USP34: variants seen among roughly 807,000 people sequenced by gnomAD.
USP34 encodes the protein ubiquitin carboxyl-terminal hydrolase 34.
In USP34, 70 loss-of-function variants were observed where a neutral mutation model predicts 460.3. The observed-to-expected ratio is 0.15, with a 90% CI of 0.13 to 0.19. The LOEUF (loss-of-function observed/expected upper bound fraction) is 0.19. Among genes scored for constraint, USP34 ranks in the 10% least tolerant of loss-of-function variants. USP34 has a pLI of 1.00. For missense variants in USP34, 3,985 were observed against 4,236.2 expected (o/e 0.94, Z 1.65); for synonymous variants, 1,647 against 1,405.3 (o/e 1.17, Z -3.85).
At chr2:61,359,012 T>G (rs941570114) in intron 10 of USP34, among the ~76,000 whole-genome samples, 1 of 152,174 alleles carries the variant, frequency 6.6e-6, no homozygotes, top group African/African-American at 2.4e-5. Context: ...AGACTTATTT[T>G]GTTAAGATAT....
intron 1 of USP34, among the ~76,000 whole-genome samples, chr2:61,462,243 G>T (rs1695622427): frequency 7.2e-6 from 1 of 138,988 alleles, no homozygotes; most frequent in East Asian, 2.1e-4. Context: ...CCATCTCAGG[G>T]GGAAAAAAAA....
At position 61,333,213 on chromosome 2, in the gene USP34, G is replaced by T. The variant is rs560224308; in HGVS notation, c.2834+669C>A. 9.7e-4 allele frequency among the ~76,000 whole-genome samples: 147 copies of T among 152,024 alleles called. 1 individual carries two copies. The highest frequency in any genetic ancestry group is 1.8e-3 in the Non-Finnish European group (123 of 67,914). Reference sequence around the variant, plus strand: ...AAGTTCTACCTCTGGAAGAATTATTGTAACATTCATTAATCATAAGTTCTC... The same window carrying T: ...AAGTTCTACCTCTGGAAGAATTATTTTAACATTCATTAATCATAAGTTCTC... On this transcript the variant is annotated intron_variant, in intron 19 of 79. Transcript: ENST00000398571.
chr2:61,372,004 A>G (rs930327979), intron 8 of USP34, among the ~76,000 whole-genome samples: 8 of 152,270 alleles, frequency 5.3e-5, no homozygotes, highest in South Asian at 2.1e-4. Context: ...CTCATGATGC[A>G]TTTCTCAGAA....
At chr2:61,385,489 G>A (rs566530890) in intron 5 of USP34, among the ~76,000 whole-genome samples, 42 of 151,768 alleles carry the variant, frequency 2.8e-4, no homozygotes, top group African/African-American at 9.2e-4. Flanking sequence ...GGCTAACATG[G>A]TGAAACCCCA....
intron 7 of USP34, among the ~76,000 whole-genome samples, chr2:61,378,926 A>AAC (rs1553379444): frequency 1.3e-5 from 2 of 148,962 alleles, no homozygotes; most frequent in African/African-American, 4.9e-5. Flanking sequence ...AAAAAAAAAA[A>AAC]AAAAAAAAAA....
At chr2:61,350,151 CCA>C in intron 12 of USP34, 107 bp downstream of exon 12, 2 of 1,238,752 alleles carry the variant, frequency 1.6e-6, no homozygotes, top group South Asian at 1.6e-5. Context: ...TCTACCCATC[CCA>C]CACTTATTTT....
intron 48 of USP34, among the ~76,000 whole-genome samples, chr2:61,255,780 T>C (rs932256823): frequency 6.6e-6 from 1 of 152,230 alleles, no homozygotes; most frequent in Admixed American, 6.5e-5. Flanking sequence ...TTATCTGTGT[T>C]GCAGACACTA....
intron 27 of USP34, among the ~76,000 whole-genome samples, chr2:61,305,730 A>T (rs1005007280): frequency 1.1e-4 from 17 of 152,212 alleles, no homozygotes; most frequent in African/African-American, 1.4e-4. Flanking sequence ...AGGCAGACTC[A>T]TAATCAAAAT....
chr2:61,406,994 G>A (rs1486980079), intron 2 of USP34, among the ~76,000 whole-genome samples: 2 of 151,978 alleles, frequency 1.3e-5, no homozygotes, highest in African/African-American at 2.4e-5. Context: ...TGGGCAACAA[G>A]ACCAAAACGC....
intron 5 of USP34, among the ~76,000 whole-genome samples, chr2:61,393,991 C>T (rs1693437146): frequency 6.6e-6 from 1 of 151,934 alleles, no homozygotes; most frequent in South Asian, 2.1e-4. Flanking sequence ...CATGGTGGTT[C>T]GTGCCTGTAG....
chr2:61,313,612 TTTTA>T (rs1356069626), intron 25 of USP34, among the ~76,000 whole-genome samples: 1 of 152,164 alleles, frequency 6.6e-6, no homozygotes, highest in Non-Finnish European at 1.5e-5. Context: ...CTTTTTAAAA[TTTTA>T]TTTTTTTAAG....
intron 23 of USP34, 46 bp downstream of exon 23, chr2:61,317,608 A>G: frequency 6.7e-7 from 1 of 1,494,598 alleles, no homozygotes; most frequent in Non-Finnish European, 9.3e-7. Context: ...TTGATAATCT[A>G]ATTTGAGGAA....
intron 30 of USP34, 47 bp downstream of exon 30, chr2:61,296,753 A>C: frequency 6.3e-7 from 1 of 1,577,744 alleles, no homozygotes; most frequent in Non-Finnish European, 8.6e-7. Flanking sequence ...ATAGGAATGT[A>C]AACTGGTAAC....
chr2:61,211,693 T>C (rs1379017910), intron 69 of USP34, 79 bp downstream of exon 69: 2 of 1,381,446 alleles, frequency 1.4e-6, no homozygotes, highest in Non-Finnish European at 1.9e-6. Context: ...CCAATGTAAA[T>C]GATTTATCTT....
At chr2:61,429,238 G>A (rs1415009529) in intron 1 of USP34, among the ~76,000 whole-genome samples, 1 of 152,016 alleles carries the variant, frequency 6.6e-6, no homozygotes, top group Non-Finnish European at 1.5e-5. Flanking sequence ...ACGAGGTCAG[G>A]AGATCGAGAC....
At chr2:61,248,779 CAG>C in intron 48 of USP34, 96 bp from the exon 49 acceptor site, 1 of 1,211,754 alleles carries the variant, frequency 8.3e-7, no homozygotes, top group African/African-American at 1.5e-5. Flanking sequence ...ATTTTCAACT[CAG>C]AGTTAAGAAG....
At chr2:61,373,628 T>C (rs554222434) in intron 8 of USP34, among the ~76,000 whole-genome samples, 1 of 152,222 alleles carries the variant, frequency 6.6e-6, no homozygotes, top group South Asian at 2.1e-4. Flanking sequence ...CTGAAATACA[T>C]GAAGCAAAAA....
chr2:61,414,744 C>G (rs1694144971), intron 2 of USP34, among the ~76,000 whole-genome samples: 1 of 152,136 alleles, frequency 6.6e-6, no homozygotes, highest in Admixed American at 6.6e-5. Context: ...GTCAAGGACC[C>G]AGTTACAGAA....
At chr2:61,280,386 AAAAT>A (rs752738104) in intron 38 of USP34, 38 bp from the exon 39 acceptor site, 21 of 995,240 alleles carry the variant, frequency 2.1e-5, no homozygotes, top group African/African-American at 1.2e-4. Flanking sequence ...AAACATTTTA[AAAAT>A]AAATAAAATT....
Sources: allele counts gnomAD v4.1 joint callset (sites outside exome capture counted in the v4.1 genomes callset), GRCh38; gene constraint gnomAD v4.1.1; transcripts MANE v1.5; gene names NCBI Gene and HGNC (gene_info 2026-07-23, HGNC 2026-07-21).